The following TCF25 variants were observed in gnomAD, a reference collection of about 807,000 sequenced individuals.
TCF25 encodes TCF25 ribosome quality control complex subunit.
In TCF25, 41 loss-of-function variants were observed where a neutral mutation model predicts 83.1. The observed-to-expected ratio is 0.49, with a 90% CI of 0.38 to 0.64. TCF25 has a LOEUF of 0.64. Ranked by LOEUF, TCF25 falls within the 30% of genes least tolerant of loss-of-function variation. TCF25 has a pLI of 0.00. For synonymous variants in TCF25, 458 were observed against 365.0 expected (o/e 1.25, Z -2.90); for missense variants, 979 against 914.5 (o/e 1.07, Z -0.91).
intron 13 of TCF25, chr16:89,904,510 G>A (rs1323170632): frequency 2.0e-6 from 1 of 506,460 alleles, no homozygotes; most frequent in African/African-American, 1.9e-5. Context: ...TGCCTGGGAG[G>A]TCAAAGGTAC....
At chr16:89,895,182 C>T (rs186229975) in intron 8 of TCF25, 45 bp downstream of exon 8, 3 of 1,558,480 alleles carry the variant, frequency 1.9e-6, no homozygotes, top group African/African-American at 2.7e-5. Context: ...GTGGGAGCAC[C>T]TCAAGCTATC....
chr16:89,897,975 T>C (rs7199291), intron 9 of TCF25, among the ~76,000 whole-genome samples: 38,978 of 151,642 alleles, frequency 0.26, 6,189 homozygotes, highest in African/African-American at 0.44. Context: ...TGGTGGCGGG[T>C]GCCTGTAGTC....
intron 15 of TCF25, 95 bp from the exon 16 acceptor site, chr16:89,907,148 A>C: frequency 1.6e-6 from 2 of 1,223,764 alleles, no homozygotes; most frequent in Admixed American, 1.7e-5. Flanking sequence ...AGATGCATCC[A>C]GTCCATGCTG....
intron 3 of TCF25, 76 bp from the exon 4 acceptor site, chr16:89,885,772 T>TA: frequency 8.0e-7 from 1 of 1,254,512 alleles, no homozygotes; most frequent in East Asian, 2.3e-5. Flanking sequence ...TCTTTTAAGA[T>TA]AAATAATTTT....
chr16:89,907,918 G>GTCT (rs2045064432), intron 16 of TCF25, among the ~76,000 whole-genome samples: 1 of 29,718 alleles, frequency 3.4e-5, no homozygotes, highest in African/African-American at 1.6e-4. Flanking sequence ...CCCAGCTCCT[G>GTCT]CCTCCCTCCT....
At chr16:89,879,421 A>G (rs1275396167) in intron 1 of TCF25, among the ~76,000 whole-genome samples, 8 of 139,954 alleles carry the variant, frequency 5.7e-5, no homozygotes, top group Non-Finnish European at 1.1e-4. Flanking sequence ...GTGTACACAG[A>G]TGGGCTTCGG....
intron 2 of TCF25, 103 bp downstream of exon 2, chr16:89,883,615 C>T (rs2042766141): frequency 5.7e-6 from 8 of 1,394,082 alleles, no homozygotes; most frequent in East Asian, 5.1e-5. Flanking sequence ...TGTAATTTTC[C>T]GAGTTCCATT....
chr16:89,904,394 G>A (rs910199898), intron 13 of TCF25, 189 bp downstream of exon 13: 7 of 650,276 alleles, frequency 1.1e-5, no homozygotes, highest in African/African-American at 1.8e-5. Context: ...AAAAGTCCAG[G>A]TGGGACAGCT....
chr16:89,879,044 A>C (rs1217210154), intron 1 of TCF25, among the ~76,000 whole-genome samples: 1 of 152,220 alleles, frequency 6.6e-6, no homozygotes. Context: ...TCACTGAAGA[A>C]GCAAAACTAG....
At chr16:89,884,348 G>A (rs951327105) in intron 2 of TCF25, among the ~76,000 whole-genome samples, 1 of 152,186 alleles carries the variant, frequency 6.6e-6, no homozygotes, top group Non-Finnish European at 1.5e-5. Context: ...GGTCCTGTGA[G>A]CCTGTGAGGC....
intron 10 of TCF25, 33 bp downstream of exon 10, chr16:89,898,682 G>C (rs772919541): frequency 4.3e-6 from 7 of 1,611,680 alleles, no homozygotes; most frequent in Non-Finnish European, 5.9e-6. Context: ...GCCCGTCCAC[G>C]CTCCCTGTCC....
At chr16:89,903,045 C>A (rs1355827647) in intron 12 of TCF25, among the ~76,000 whole-genome samples, 1 of 152,236 alleles carries the variant, frequency 6.6e-6, no homozygotes, top group African/African-American at 2.4e-5. Flanking sequence ...TAAGAAGCAC[C>A]TTTGTCCTCC....
intron 1 of TCF25, among the ~76,000 whole-genome samples, chr16:89,875,715 G>T (rs1034417102): frequency 1.6e-4 from 24 of 150,172 alleles, no homozygotes; most frequent in African/African-American, 5.9e-4. Flanking sequence ...GTAGAGATGG[G>T]GTTTCACCAT....
In TCF25 at chr16:89,885,976, C is replaced by CTG; in HGVS notation, c.548+10_548+11insTG. On this transcript the variant is annotated intron_variant, in intron 4 of 17. Coordinates refer to ENST00000263346, the MANE Select transcript of TCF25 (RefSeq NM_014972.3). ...TCTACGTGGAGCACAGGTGTGGCCCCCGCCCTTCTCTGCGGCTGCCCTTCT... is the reference window on the plus strand; with the variant it reads ...TCTACGTGGAGCACAGGTGTGGCCCCTGCGCCCTTCTCTGCGGCTGCCCTTCT... 6.2e-7 allele frequency: 1 copy of CTG among 1,611,440 alleles called. No individual in the cohort carries two copies. Among genetic ancestry groups the CTG allele is most frequent in the Non-Finnish European group, 8.5e-7 (1 of 1,177,878 alleles).
chr16:89,899,876 C>G (rs985537982), intron 11 of TCF25, among the ~76,000 whole-genome samples: 1 of 152,190 alleles, frequency 6.6e-6, no homozygotes, highest in South Asian at 2.1e-4. Context: ...TTGACTTTCT[C>G]TGCTTCTGTG....
intron 15 of TCF25, among the ~76,000 whole-genome samples, chr16:89,906,728 G>A (rs981678207): frequency 4.6e-5 from 7 of 152,158 alleles, no homozygotes; most frequent in African/African-American, 1.4e-4. Context: ...TCGCAGGACC[G>A]TGGACCGTCC....
intron 5 of TCF25, chr16:89,890,480 G>A (rs1314743297): frequency 6.6e-6 from 1 of 152,220 alleles, no homozygotes; most frequent in Non-Finnish European, 1.5e-5. Context: ...AAGTGTTGGG[G>A]TTTTGATTGT....
intron 11 of TCF25, among the ~76,000 whole-genome samples, chr16:89,900,258 G>A (rs1051007558): frequency 2.2e-5 from 3 of 137,512 alleles, no homozygotes; most frequent in South Asian, 2.5e-4. Flanking sequence ...AACTCGCGCG[G>A]CAGTGGGCTG....
intron 6 of TCF25, among the ~76,000 whole-genome samples, chr16:89,892,669 A>T (rs929214646): frequency 6.6e-6 from 1 of 152,250 alleles, no homozygotes; most frequent in African/African-American, 2.4e-5. Flanking sequence ...TTAAACTGCA[A>T]TATTTTGTAT....
Sources: allele counts gnomAD v4.1 joint callset (sites outside exome capture counted in the v4.1 genomes callset), GRCh38; gene constraint gnomAD v4.1.1; transcripts MANE v1.5; gene names NCBI Gene and HGNC (gene_info 2026-07-23, HGNC 2026-07-21).